NBAS: variants seen among roughly 807,000 people sequenced by gnomAD.
The protein encoded by NBAS is NBAS subunit of NRZ tethering complex, also known as NAG/BC035112 fusion.
A neutral mutation model predicts 302.5 loss-of-function variants in NBAS; 219 were observed. The ratio of observed to expected loss-of-function variants is 0.72; its 90% CI spans 0.65 to 0.81. The LOEUF (loss-of-function observed/expected upper bound fraction) is 0.81. Ranked by LOEUF, NBAS falls within the 30% of genes least tolerant of loss-of-function variation. The pLI is 0.00. For missense variants in NBAS, 2,932 were observed against 2,841.6 expected (o/e 1.03, Z -0.72); for synonymous variants, 1,118 against 1,021.6 (o/e 1.09, Z -1.80).
chr2:15,468,682 A>G, intron 16 of NBAS, 149 bp from the exon 17 acceptor site: 1 of 876,768 alleles, frequency 1.1e-6, no homozygotes, highest in Non-Finnish European at 1.8e-6. Flanking sequence ...AACTCAAGAG[A>G]AAAGCAGCCA....
At chr2:15,307,408 G>C (rs1671078679) in intron 40 of NBAS, among the ~76,000 whole-genome samples, 1 of 152,138 alleles carries the variant, frequency 6.6e-6, no homozygotes, top group African/African-American at 2.4e-5. Context: ...AGGGAAAACA[G>C]GAAAAATTTA....
At chr2:15,057,531 G>A in the NBAS span, among the ~76,000 whole-genome samples, 3 of 152,122 alleles carry the variant, frequency 2.0e-5, no homozygotes, top group African/African-American at 7.2e-5. Flanking sequence ...CCCATCACCT[G>A]AGCAGTAGCC....
Position 15,225,443 on chromosome 2 carries a change from C to T in NBAS, c.6237-6475G>A, listed in dbSNP as rs569731127. On this transcript the variant is annotated intron_variant, in intron 47 of 51. Transcript: ENST00000281513. ...AGAGAACACTGGATGATCTACTTTG[C>T]CTCACAGAGCAGGAAGAAGGAAAAA... 1.2e-4 allele frequency among the ~76,000 whole-genome samples: 19 copies of T among 152,208 alleles called. No individual in the cohort carries two copies. The South Asian group carries it at 3.5e-3, about 28-fold the overall frequency.
chr2:15,317,387 A>C (rs748471685), intron 38 of NBAS, among the ~76,000 whole-genome samples: 5 of 152,232 alleles, frequency 3.3e-5, no homozygotes, highest in African/African-American at 4.8e-5. Flanking sequence ...ACAAAGATGG[A>C]TGGAGAATGA....
intron 48 of NBAS, among the ~76,000 whole-genome samples, chr2:15,194,051 T>C (rs1400928099): frequency 2.0e-5 from 3 of 151,486 alleles, no homozygotes; most frequent in Non-Finnish European, 4.4e-5. Flanking sequence ...TATTTCCCAA[T>C]TCTGGACCTA....
chr2:15,218,931 G>C lies in NBAS; in HGVS notation c.6274C>G (p.Leu2092Val). 1 of 1,614,246 alleles carries C rather than the reference G, an allele frequency of 6.2e-7. No homozygotes were observed. Among genetic ancestry groups the C allele is most frequent in the Non-Finnish European group, 8.5e-7 (1 of 1,180,042 alleles). ...GCGTCATCAGCACAGAAAGGCCGCA[G>C]CCACTCCAGCAGGTCCTCAGGTGAA... ...LVSPEDLLEWLRPFCADDAWP... is the reference protein window; with the variant it reads ...LVSPEDLLEWVRPFCADDAWP... The change falls in exon 48 of 52, where the codon CTG (leucine) becomes GTG (valine). Residue 2092 changes from leucine (L) to valine (V), a missense_variant. Coordinates refer to ENST00000281513, the MANE Select transcript of NBAS (RefSeq NM_015909.4).
chr2:15,127,755 G>A, the NBAS span, among the ~76,000 whole-genome samples: 2 of 152,230 alleles, frequency 1.3e-5, no homozygotes, highest in African/African-American at 2.4e-5. Context: ...AAAGCTGATC[G>A]TAAATGTGGT....
chr2:15,059,195 C>T, the NBAS span, among the ~76,000 whole-genome samples: 7 of 152,104 alleles, frequency 4.6e-5, no homozygotes, highest in African/African-American at 1.4e-4. Context: ...GATACAGAGA[C>T]AATTTGTAAA....
At chr2:15,082,492 T>G in the NBAS span, among the ~76,000 whole-genome samples, 1 of 152,314 alleles carries the variant, frequency 6.6e-6, no homozygotes, top group Admixed American at 6.5e-5. Flanking sequence ...TCACTCTCTC[T>G]GGGCCTTTAA....
At chr2:15,440,482 G>A (rs1285416105) in intron 21 of NBAS, among the ~76,000 whole-genome samples, 4 of 152,086 alleles carry the variant, frequency 2.6e-5, no homozygotes, top group Admixed American at 6.5e-5. Context: ...CAAACAGAAA[G>A]GACATCCACA....
chr2:15,537,092 C>T (rs919134274), intron 7 of NBAS, among the ~76,000 whole-genome samples: 1 of 152,144 alleles, frequency 6.6e-6, no homozygotes, highest in Admixed American at 6.5e-5. Context: ...GGGAAGCACA[C>T]AAAATAAAGT....
At chr2:15,025,871 T>C in the NBAS span, among the ~76,000 whole-genome samples, 2 of 152,142 alleles carry the variant, frequency 1.3e-5, no homozygotes, top group African/African-American at 4.8e-5. Context: ...GAGCAGATAC[T>C]ATGGGATTTT....
At chr2:15,190,235 A>G in intron 49 of NBAS, 29 bp downstream of exon 49, 2 of 1,612,764 alleles carry the variant, frequency 1.2e-6, no homozygotes, top group Non-Finnish European at 1.7e-6. Context: ...AAAGAACTCT[A>G]ATTACGCTAA....
At chr2:14,965,237 A>G in the NBAS span, among the ~76,000 whole-genome samples, 1 of 152,292 alleles carries the variant, frequency 6.6e-6, no homozygotes, top group Non-Finnish European at 1.5e-5. Context: ...AAGCCAATCA[A>G]CGCAACTAAA....
At chr2:15,354,291 C>A (rs758930866) in intron 33 of NBAS, among the ~76,000 whole-genome samples, 13 of 152,180 alleles carry the variant, frequency 8.5e-5, no homozygotes, top group Non-Finnish European at 1.9e-4. Context: ...GACCGAATCA[C>A]CCCCCAACTC....
the NBAS span, among the ~76,000 whole-genome samples, chr2:14,863,581 T>C: frequency 3.3e-5 from 5 of 152,234 alleles, no homozygotes; most frequent in African/African-American, 4.8e-5. Context: ...TTCACTATTT[T>C]TGTGGTTTCA....
At chr2:14,973,034 C>A in the NBAS span, among the ~76,000 whole-genome samples, 2 of 152,218 alleles carry the variant, frequency 1.3e-5, no homozygotes, top group East Asian at 3.9e-4. Flanking sequence ...CCTTCCATGG[C>A]GCTCACGCCA....
rs1676934715 is a variant in NBAS, at chr2:15,416,395, T to A, written c.2764-676A>T. Among the ~76,000 whole-genome samples the A allele has an allele frequency of 2.6e-5, 4 of 152,162 alleles. No individual in the cohort carries two copies. In the South Asian group the frequency reaches 8.3e-4, roughly 31 times the overall value. ...TTTCTCTTAATTATCCCCCAAAAGA[T>A]ACACCTAAAGCTATTAAGAGGAGTC... is the stretch of plus-strand genomic sequence containing the variant. On this transcript the variant is annotated intron_variant, in intron 24 of 51. Coordinates refer to ENST00000281513, the MANE Select transcript of NBAS (RefSeq NM_015909.4).
At chr2:15,267,819 TAAAC>T (rs1243918535) in intron 44 of NBAS, among the ~76,000 whole-genome samples, 1 of 152,220 alleles carries the variant, frequency 6.6e-6, no homozygotes, top group African/African-American at 2.4e-5. Flanking sequence ...AACTTACTTA[TAAAC>T]AAACAAAAAT....
Sources: gnomAD v4.1 joint callset for allele counts (sites outside exome capture counted in the v4.1 genomes callset) on GRCh38, gnomAD v4.1.1 for gene constraint, MANE v1.5 for transcripts, NCBI Gene and HGNC (gene_info 2026-07-23, HGNC 2026-07-21) for gene names.